Variants in BRMS1L observed in about 807,000 individuals in gnomAD.
BRMS1L encodes BRMS1 like transcriptional repressor, also known as breast cancer metastasis-suppressor 1-like protein.
Under a neutral mutation model 50.3 loss-of-function variants are expected in BRMS1L, and 23 were observed. That is an observed-to-expected ratio of 0.46 (90% confidence interval 0.33 to 0.65). The LOEUF is 0.65. BRMS1L is among the 30% of genes least tolerant of loss of function. The pLI is 0.02. For missense variants in BRMS1L, 286 were observed against 386.1 expected, an observed-to-expected ratio of 0.74 and a Z score of 2.17; for synonymous variants, 114 against 126.9, an observed-to-expected ratio of 0.90 and a Z score of 0.69.
chr14:35,863,871 G>A lies in BRMS1L; in HGVS notation c.540G>A (p.Glu180=). ...ACTTAATCTTTATTTACCTGCCAGAGCTGTGGAATGATGAGCTTCAGTCAA... is the reference window on the plus strand; with the variant it reads ...ACTTAATCTTTATTTACCTGCCAGAACTGTGGAATGATGAGCTTCAGTCAA... ...EDRHSIDITS[E]LWNDELQSRK... is the part of the protein sequence containing the mutation. The change falls in exon 6 of 10, where the codon GAG becomes GAA. Residue 180 remains glutamate, a splice_region_variant and synonymous_variant. Coordinates refer to ENST00000216807, the MANE Select transcript of BRMS1L (RefSeq NM_032352.4). 1 of 1,613,664 alleles carries A rather than the reference G, an allele frequency of 6.2e-7. No homozygotes were observed. The highest frequency in any genetic ancestry group is 8.5e-7 in the Non-Finnish European group (1 of 1,179,762).
At chr14:35,868,107 G>C (rs2078444777) in intron 9 of BRMS1L, 75 bp downstream of exon 9, 1 of 1,437,042 alleles carries the variant, frequency 7.0e-7, no homozygotes, top group South Asian at 1.4e-5. Flanking sequence ...AATATTTCCT[G>C]CCTCCATAGT....
chr14:35,826,875 T>C, intron 1 of BRMS1L: 5 of 625,624 alleles, frequency 8.0e-6, no homozygotes, highest in Non-Finnish European at 1.0e-5. Context: ...GGCCTGGGCT[T>C]GTCCAGCTCC....
chr14:35,830,114 G>T (rs913712560), intron 1 of BRMS1L, among the ~76,000 whole-genome samples: 1 of 152,054 alleles, frequency 6.6e-6, no homozygotes, highest in African/African-American at 2.4e-5. Flanking sequence ...TTGTTGCCCA[G>T]GCTAGAGTGC....
chr14:35,861,948 T>C (rs1188283239), intron 4 of BRMS1L, among the ~76,000 whole-genome samples: 4 of 152,204 alleles, frequency 2.6e-5, no homozygotes, highest in African/African-American at 9.6e-5. Context: ...TATTATATAA[T>C]TAAAAACATG....
chr14:35,845,680 T>G (rs910792865), intron 4 of BRMS1L, among the ~76,000 whole-genome samples: 1 of 152,228 alleles, frequency 6.6e-6, no homozygotes, highest in Non-Finnish European at 1.5e-5. Flanking sequence ...TAGAAGTATA[T>G]ATTTAAGAGT....
At chr14:35,853,623 G>C (rs768594505) in intron 4 of BRMS1L, among the ~76,000 whole-genome samples, 3 of 151,182 alleles carry the variant, frequency 2.0e-5, no homozygotes, top group African/African-American at 7.3e-5. Context: ...GCACAGTCTC[G>C]CTATGTTGCC....
intron 4 of BRMS1L, among the ~76,000 whole-genome samples, chr14:35,856,088 A>G (rs1224129981): frequency 1.3e-5 from 2 of 152,196 alleles, no homozygotes; most frequent in African/African-American, 4.8e-5. Context: ...AGGGAAGCGG[A>G]AAGAAGGAAG....
At chr14:35,852,531 A>G (rs1207808396) in intron 4 of BRMS1L, among the ~76,000 whole-genome samples, 1 of 152,236 alleles carries the variant, frequency 6.6e-6, no homozygotes, top group Non-Finnish European at 1.5e-5. Flanking sequence ...TTTTCAATAT[A>G]CAAGTCTTTC....
chr14:35,869,171 CTAGTTTATATATG>C (rs1385589649), intron 9 of BRMS1L, among the ~76,000 whole-genome samples: 3 of 152,262 alleles, frequency 2.0e-5, no homozygotes, highest in East Asian at 3.9e-4. Flanking sequence ...CATTGAACTA[CTAGTTTATATATG>C]ATACTCCTGG....
At chr14:35,836,109 C>G (rs958730292) in intron 4 of BRMS1L, among the ~76,000 whole-genome samples, 2 of 152,092 alleles carry the variant, frequency 1.3e-5, no homozygotes, top group Non-Finnish European at 2.9e-5. Flanking sequence ...ATATTTTTTC[C>G]TAAGAAGTGC....
chr14:35,838,128 G>T (rs1162926698), intron 4 of BRMS1L, among the ~76,000 whole-genome samples: 2 of 152,090 alleles, frequency 1.3e-5, no homozygotes, highest in African/African-American at 4.8e-5. Context: ...GCGGTGTTTT[G>T]TTTTCTGTTT....
intron 4 of BRMS1L, among the ~76,000 whole-genome samples, chr14:35,847,902 A>C (rs1455130620): frequency 1.3e-5 from 2 of 152,326 alleles, no homozygotes; most frequent in East Asian, 3.9e-4. Flanking sequence ...TCTAAGGCTG[A>C]ATAATATTCT....
intron 7 of BRMS1L, 38 bp downstream of exon 7, chr14:35,865,037 A>G (rs753984623): frequency 8.0e-6 from 11 of 1,376,576 alleles, no homozygotes; most frequent in African/African-American, 1.5e-5. Flanking sequence ...GTATGTTTTT[A>G]TAGTCTACTT....
At position 35,829,372 on chromosome 14, in the gene BRMS1L, T is replaced by C. The variant is rs536542253; in HGVS notation, c.143-2038T>C. Among the ~76,000 whole-genome samples the C allele has an allele frequency of 5.9e-5, 9 of 152,354 alleles. No homozygotes were observed. In the South Asian group the frequency reaches 1.2e-3, roughly 21 times the overall value. Reference sequence around the variant, plus strand: ...CCCCCTATAATTTTTATGTTGACTCTTGTGATTTTTAACTTTTAAAAATTC... The same window carrying C: ...CCCCCTATAATTTTTATGTTGACTCCTGTGATTTTTAACTTTTAAAAATTC... On this transcript the variant is annotated intron_variant, in intron 1 of 9. Coordinates refer to ENST00000216807, the MANE Select transcript of BRMS1L (RefSeq NM_032352.4).
chr14:35,827,299 A>G (rs561915216), intron 1 of BRMS1L, among the ~76,000 whole-genome samples: 1 of 152,180 alleles, frequency 6.6e-6, no homozygotes, highest in African/African-American at 2.4e-5. Context: ...GTTTTTTCTA[A>G]CTTTGGGCTG....
chr14:35,853,706 C>T (rs985246455), intron 4 of BRMS1L, among the ~76,000 whole-genome samples: 13 of 152,164 alleles, frequency 8.5e-5, no homozygotes, highest in Admixed American at 2.6e-4. Context: ...GGATTATAGG[C>T]GTGAACCACT....
chr14:35,867,802 C>T (rs896781475), intron 8 of BRMS1L, 104 bp from the exon 9 acceptor site: 105 of 1,142,066 alleles, frequency 9.2e-5, no homozygotes, highest in Non-Finnish European at 1.2e-4. Context: ...ATTTTTAGGC[C>T]TTTTTTACAT....
At chr14:35,858,293 C>T (rs563731502) in intron 4 of BRMS1L, among the ~76,000 whole-genome samples, 2 of 152,264 alleles carry the variant, frequency 1.3e-5, no homozygotes, top group African/African-American at 2.4e-5. Context: ...CTCTATCCCT[C>T]GTGTCCCCTA....
chr14:35,833,655 G>A (rs1414271431), intron 3 of BRMS1L, among the ~76,000 whole-genome samples: 2 of 152,074 alleles, frequency 1.3e-5, no homozygotes, highest in Non-Finnish European at 2.9e-5. Flanking sequence ...TTACATTTCA[G>A]TCTTATGTTT....
Sources: gnomAD v4.1 joint callset for allele counts (sites outside exome capture counted in the v4.1 genomes callset) on GRCh38, gnomAD v4.1.1 for gene constraint, MANE v1.5 for transcripts, NCBI Gene and HGNC (gene_info 2026-07-23, HGNC 2026-07-21) for gene names.